PTPN11: variants seen among roughly 807,000 people sequenced by gnomAD.
PTPN11 encodes the protein protein tyrosine phosphatase non-receptor type 11, also known as tyrosine-protein phosphatase non-receptor type 11.
In PTPN11, 6 loss-of-function variants were observed where a neutral mutation model predicts 78.8. That is an observed-to-expected ratio of 0.08 (90% confidence interval 0.04 to 0.15). The LOEUF (loss-of-function observed/expected upper bound fraction) is 0.15, where lower values mean the gene tolerates loss of function less well. Among genes scored for constraint, PTPN11 ranks in the 10% least tolerant of loss-of-function variants. The pLI is 1.00. For missense variants in PTPN11, 386 were observed against 744.8 expected, an observed-to-expected ratio of 0.52 and a Z score of 5.61; for synonymous variants, 221 against 263.5, an observed-to-expected ratio of 0.84 and a Z score of 1.56.
chr12:112,439,363 A>G (rs928461747), intron 1 of PTPN11, among the ~76,000 whole-genome samples: 2 of 152,186 alleles, frequency 1.3e-5, no homozygotes, highest in Admixed American at 1.3e-4. Context: ...GTGTGATTTC[A>G]GCTCACTGTA....
intron 6 of PTPN11, among the ~76,000 whole-genome samples, chr12:112,464,612 A>G (rs931819491): frequency 6.6e-6 from 1 of 152,196 alleles, no homozygotes; most frequent in Non-Finnish European, 1.5e-5. Flanking sequence ...TTTAGTAGGG[A>G]TGGGATTTCT....
At chr12:112,499,183 CTCATG>C (rs2038844876) in intron 13 of PTPN11, among the ~76,000 whole-genome samples, 1 of 151,898 alleles carries the variant, frequency 6.6e-6, no homozygotes, top group Non-Finnish European at 1.5e-5. Flanking sequence ...GAGGGTAGAT[CTCATG>C]TCATGTGTTT....
At chr12:112,476,807 A>T (rs2038511966) in intron 7 of PTPN11, among the ~76,000 whole-genome samples, 1 of 151,914 alleles carries the variant, frequency 6.6e-6, no homozygotes, top group African/African-American at 2.4e-5. Context: ...ACAACAACAA[A>T]AACCCCTCTT....
At chr12:112,463,459 C>T (rs1014655464) in intron 6 of PTPN11, among the ~76,000 whole-genome samples, 6 of 152,128 alleles carry the variant, frequency 3.9e-5, no homozygotes, top group Non-Finnish European at 7.4e-5. Flanking sequence ...AGCTTAGGAA[C>T]AAAGTCAGAC....
intron 6 of PTPN11, among the ~76,000 whole-genome samples, chr12:112,467,368 A>G (rs1049783541): frequency 2.0e-5 from 3 of 152,208 alleles, no homozygotes; most frequent in Non-Finnish European, 4.4e-5. Flanking sequence ...CTGTACAAGC[A>G]TGGCTCCAGC....
intron 6 of PTPN11, among the ~76,000 whole-genome samples, chr12:112,466,323 C>T (rs186511702): frequency 4.9e-4 from 75 of 152,166 alleles, no homozygotes; most frequent in African/African-American, 1.7e-3. Context: ...GTGCAAAGGC[C>T]CTGAAGTGGG....
At chr12:112,462,221 A>G (rs766918353) in intron 6 of PTPN11, among the ~76,000 whole-genome samples, 1 of 152,114 alleles carries the variant, frequency 6.6e-6, no homozygotes, top group Non-Finnish European at 1.5e-5. Flanking sequence ...TTAACCAGAC[A>G]TGGTGGCATG....
chr12:112,482,621 G>A lies in PTPN11; in HGVS notation c.1224+416G>A, dbSNP rs2038614188. 6.6e-6 allele frequency among the ~76,000 whole-genome samples: 1 copy of A among 152,064 alleles called. No individual in the cohort carries two copies. Among genetic ancestry groups the A allele is most frequent in the African/African-American group, 2.4e-5 (1 of 41,388 alleles). On this transcript the variant is annotated intron_variant, in intron 10 of 15. Transcript: ENST00000351677. The surrounding 1 kb of genome is among the most constrained non-coding windows in gnomAD (Gnocchi z 4.4). The stretch of plus-strand genomic sequence containing the variant: ...GGCCTCCGCAGGGGCCTATGTTGAT[G>A]GCCTCCTCTCCAAGTATCCACAGAC...
chr12:112,431,656 G>A lies in PTPN11; in HGVS notation c.14+12531G>A, dbSNP rs575148981. ...ATCAGAGAACCAGAGTCAACCAGGG[G>A]CCATGCCGTACAGGGTCCTGTTAAG... On this transcript the variant is annotated intron_variant, in intron 1 of 15. Transcript: ENST00000351677. 7.2e-5 allele frequency among the ~76,000 whole-genome samples: 11 copies of A among 152,242 alleles called. No homozygotes were observed. In the South Asian group the frequency reaches 1.9e-3, roughly 26 times the overall value.
intron 15 of PTPN11, among the ~76,000 whole-genome samples, chr12:112,505,263 G>A (rs540160105): frequency 3.9e-5 from 6 of 152,134 alleles, no homozygotes; most frequent in Non-Finnish European, 8.8e-5. Context: ...CTGGGTCACC[G>A]ACATCCCTTC....
intron 6 of PTPN11, among the ~76,000 whole-genome samples, chr12:112,461,954 A>G (rs879324828): frequency 6.6e-6 from 1 of 152,208 alleles, no homozygotes; most frequent in Non-Finnish European, 1.5e-5. Context: ...GTTTTATCCC[A>G]CATTACACAC....
intron 1 of PTPN11, among the ~76,000 whole-genome samples, chr12:112,425,007 T>A (rs1215898503): frequency 7.4e-6 from 1 of 135,918 alleles, no homozygotes; most frequent in African/African-American, 3.1e-5. Flanking sequence ...TGTGTGTGTG[T>A]GTATGTAGAG....
chr12:112,499,598 C>CA (rs1480308166), intron 13 of PTPN11, among the ~76,000 whole-genome samples: 2 of 152,044 alleles, frequency 1.3e-5, no homozygotes, highest in Non-Finnish European at 1.5e-5. Flanking sequence ...CTTGGCCTCT[C>CA]AAAGTGCTGG....
At chr12:112,453,131 T>C in intron 3 of PTPN11, 64 bp from the exon 4 acceptor site, 1 of 1,400,988 alleles carries the variant, frequency 7.1e-7, no homozygotes, top group Non-Finnish European at 1.0e-6. Flanking sequence ...TACAGTAGTT[T>C]TGTGAAAGAA....
chr12:112,479,264 T>A (rs957549753), intron 9 of PTPN11, among the ~76,000 whole-genome samples: 3 of 152,164 alleles, frequency 2.0e-5, no homozygotes, highest in Admixed American at 2.0e-4. Flanking sequence ...GTTTTTTTTT[T>A]AAATATGGAA....
chr12:112,478,596 G>A (rs527446120), intron 9 of PTPN11, among the ~76,000 whole-genome samples: 6 of 152,150 alleles, frequency 3.9e-5, no homozygotes, highest in African/African-American at 9.6e-5. Context: ...TATGTCATCC[G>A]CTCTTAATCC....
At chr12:112,446,445 G>C (rs775795422) in intron 2 of PTPN11, 47 bp downstream of exon 2, 1 of 1,613,178 alleles carries the variant, frequency 6.2e-7, no homozygotes, top group Non-Finnish European at 8.5e-7. Flanking sequence ...TTTCTAGGTA[G>C]GAAGTGGTAA....
Position 112,489,290 on chromosome 12 carries a change from G to A in PTPN11, c.1599+115G>A, listed in dbSNP as rs1242019721. 1.5e-5 allele frequency: 19 copies of A among 1,288,990 alleles called. 1 individual carries two copies. The Middle Eastern group carries it at 5.6e-4, about 38-fold the overall frequency. 79.8% of individuals were successfully genotyped at this position (1,288,990 alleles called of 1,614,324 possible). Reference sequence around the variant, plus strand: ...ATAGACAACTGTTTGATTTCGGAATGGGAAACAAACTCCCAACTAAAAGGG... The same window carrying A: ...ATAGACAACTGTTTGATTTCGGAATAGGAAACAAACTCCCAACTAAAAGGG... On this transcript the variant is annotated intron_variant, in intron 13 of 15. Coordinates refer to ENST00000351677, the MANE Select transcript of PTPN11 (RefSeq NM_002834.5).
At chr12:112,456,758 C>G (rs1049544475) in intron 6 of PTPN11, among the ~76,000 whole-genome samples, 2 of 151,458 alleles carry the variant, frequency 1.3e-5, no homozygotes, top group Non-Finnish European at 2.9e-5. Context: ...CCATGCCCAT[C>G]TAATTTTTGT....
Sources: gnomAD v4.1 joint callset for allele counts (sites outside exome capture counted in the v4.1 genomes callset) on GRCh38, gnomAD v4.1.1 for gene constraint, Gnocchi (gnomAD v3.1) non-coding constraint, MANE v1.5 for transcripts, NCBI Gene and HGNC (gene_info 2026-07-23, HGNC 2026-07-21) for gene names.